Variants in ERG observed in about 807,000 individuals in gnomAD.
ERG encodes transcriptional regulator ERG.
In ERG, 9 loss-of-function variants were observed where a neutral mutation model predicts 55.3. The ratio of observed to expected loss-of-function variants is 0.16; its 90% CI spans 0.10 to 0.28. The LOEUF (loss-of-function observed/expected upper bound fraction) is 0.28, where lower values mean the gene tolerates loss of function less well. Ranked by LOEUF, ERG falls within the 10% of genes least tolerant of loss-of-function variation. The pLI, the probability that ERG is intolerant of heterozygous loss-of-function variation, is 1.00. For missense variants in ERG, 434 were observed against 631.6 expected (o/e 0.69, Z 3.35); for synonymous variants, 223 against 237.3 (o/e 0.94, Z 0.55).
At chr21:38,637,378 TC>T (rs2060395925) in intron 1 of ERG, among the ~76,000 whole-genome samples, 1 of 152,214 alleles carries the variant, frequency 6.6e-6, no homozygotes, top group African/African-American at 2.4e-5. Context: ...ATCTGGGTGT[TC>T]AAAATAGTCT....
intron 1 of ERG, among the ~76,000 whole-genome samples, chr21:38,591,966 G>A (rs1293238592): frequency 2.6e-5 from 4 of 152,218 alleles, no homozygotes; most frequent in African/African-American, 9.6e-5. Context: ...TGGAGTAGAG[G>A]AGATAGAGAT....
rs1017548769 is a variant in ERG, at chr21:38,382,311, G to A, written c.*1092C>T. 12 of 1,055,240 alleles carry A rather than the reference G, an allele frequency of 1.1e-5. No homozygotes were observed. The highest frequency in any genetic ancestry group is 1.7e-5 in the African/African-American group (1 of 60,584). The allele number at this position is 1,055,240 out of a possible 1,614,324, so 65.4% of individuals were successfully genotyped here. A position where few individuals can be genotyped will look rare whatever the true frequency, so the allele number is the denominator to read the frequency against. On this transcript the variant is annotated 3_prime_UTR_variant, in exon 10 of 10. Transcript: ENST00000288319. The stretch of plus-strand genomic sequence containing the variant: ...GCGACTCAAAGGAAAACTGGAGGCC[G>A]CCTACCCAAAATGCCTGCGTGATTT...
rs534367394 is a variant in ERG at position 38,617,489 on chromosome 21, T to C, written c.-149-32544A>G. On this transcript the variant is annotated intron_variant, in intron 1 of 10. Transcript: ENST00000398910. The stretch of plus-strand genomic sequence containing the variant: ...CACTGACATTTAGGAGAACATTTTG[T>C]TTAATAAATGCAAAATGTTCTTTAA... Among the ~76,000 whole-genome samples, 4 of 152,342 alleles carry C rather than the reference T, an allele frequency of 2.6e-5. No individual in the cohort carries two copies. The East Asian group carries it at 7.7e-4, about 29-fold the overall frequency.
intron 1 of ERG, among the ~76,000 whole-genome samples, chr21:38,633,701 T>A (rs1162988047): frequency 5.3e-5 from 8 of 152,222 alleles, no homozygotes; most frequent in Non-Finnish European, 1.2e-4. Flanking sequence ...TTTTTAATTA[T>A]TCCTTACCAG....
chr21:38,498,533 T>C (rs2059398047), upstream of ERG: 2 of 1,404,964 alleles, frequency 1.4e-6, no homozygotes, highest in Admixed American at 3.2e-5. The surrounding 1 kb of genome is among the most constrained non-coding windows in gnomAD (Gnocchi z 4.6). Flanking sequence ...GAGGTTTCTA[T>C]TGGTCCTGGC....
chr21:38,540,514 A>C (rs1033577675), intron 2 of ERG, among the ~76,000 whole-genome samples: 1 of 152,154 alleles, frequency 6.6e-6, no homozygotes, highest in East Asian at 1.9e-4. Context: ...AATATCTCTT[A>C]AAATCCTGAC....
intron 2 of ERG, among the ~76,000 whole-genome samples, chr21:38,428,662 C>A (rs575676679): frequency 6.6e-6 from 1 of 152,276 alleles, no homozygotes; most frequent in East Asian, 1.9e-4. Flanking sequence ...ACCTTTTAAA[C>A]ATACACATAC....
intron 9 of ERG, among the ~76,000 whole-genome samples, chr21:38,384,224 C>T (rs190848586): frequency 1.3e-5 from 2 of 152,380 alleles, no homozygotes; most frequent in Non-Finnish European, 2.9e-5. Context: ...GAAAGACCAA[C>T]TCCATGACGC....
intron 2 of ERG, among the ~76,000 whole-genome samples, chr21:38,508,633 C>T (rs551255485): frequency 1.3e-5 from 2 of 152,320 alleles, no homozygotes; most frequent in East Asian, 3.9e-4. Flanking sequence ...TTCACACGTA[C>T]TTATCAGAAA....
chr21:38,508,411 C>T (rs1417665871), intron 2 of ERG, among the ~76,000 whole-genome samples: 1 of 151,900 alleles, frequency 6.6e-6, no homozygotes, highest in Non-Finnish European at 1.5e-5. Flanking sequence ...AAAAAAAATA[C>T]CGGCTGTAAG....
chr21:38,583,018 T>C (rs779373463), intron 1 of ERG, among the ~76,000 whole-genome samples: 2 of 152,232 alleles, frequency 1.3e-5, no homozygotes, highest in Non-Finnish European at 2.9e-5. Flanking sequence ...AATTTAGAAA[T>C]GTATTTTTTA....
chr21:38,640,377 A>G (rs2060416563), intron 1 of ERG, among the ~76,000 whole-genome samples: 1 of 152,144 alleles, frequency 6.6e-6, no homozygotes, highest in African/African-American at 2.4e-5. Flanking sequence ...CTAAATTCTC[A>G]TCTACCTTAG....
intron 6 of ERG, among the ~76,000 whole-genome samples, chr21:38,397,594 C>T (rs1988286467): frequency 2.2e-5 from 1 of 46,458 alleles, no homozygotes. Flanking sequence ...GAGACTCCAT[C>T]TCAAAAAAAA....
At chr21:38,630,001 C>A (rs1299000098) in intron 1 of ERG, among the ~76,000 whole-genome samples, 1 of 152,016 alleles carries the variant, frequency 6.6e-6, no homozygotes, top group Non-Finnish European at 1.5e-5. Context: ...GTAAGTCAGT[C>A]ACAAAAGAAC....
At chr21:38,652,592 T>C (rs1165684720) in intron 1 of ERG, among the ~76,000 whole-genome samples, 3 of 152,286 alleles carry the variant, frequency 2.0e-5, no homozygotes, top group South Asian at 2.1e-4. Flanking sequence ...AGTTGGGTCA[T>C]TCACACGTCT....
At chr21:38,594,846 C>T (rs2060121798) in intron 1 of ERG, among the ~76,000 whole-genome samples, 1 of 152,276 alleles carries the variant, frequency 6.6e-6, no homozygotes, top group East Asian at 1.9e-4. Flanking sequence ...GTCAATGAGA[C>T]CATTTAATAG....
intron 1 of ERG, among the ~76,000 whole-genome samples, chr21:38,593,389 C>A (rs1315414826): frequency 6.6e-6 from 1 of 152,184 alleles, no homozygotes; most frequent in East Asian, 1.9e-4. Context: ...AATATTTAGT[C>A]ATTTTACAAG....
intron 1 of ERG, among the ~76,000 whole-genome samples, chr21:38,492,060 A>C (rs1047569553): frequency 2.2e-4 from 22 of 99,352 alleles, no homozygotes; most frequent in African/African-American, 6.0e-4. Flanking sequence ...CATAACACTT[A>C]ATACATCATG....
chr21:38,419,766 G>A (rs989891634), intron 3 of ERG, among the ~76,000 whole-genome samples: 1 of 150,132 alleles, frequency 6.7e-6, no homozygotes, highest in African/African-American at 2.4e-5. Context: ...GCTTTTTTTT[G>A]ACACTTTTTT....
Sources: allele counts gnomAD v4.1 joint callset (sites outside exome capture counted in the v4.1 genomes callset), GRCh38; gene constraint gnomAD v4.1.1; non-coding constraint Gnocchi (gnomAD v3.1); transcripts MANE v1.5; gene names NCBI Gene and HGNC (gene_info 2026-07-23, HGNC 2026-07-21).